CARD6: variants seen among roughly 807,000 people sequenced by gnomAD.
The protein encoded by CARD6 is caspase recruitment domain-containing protein 6.
CARD6 carries 27 observed loss-of-function variants against 23.6 expected under a neutral mutation model. The ratio of observed to expected loss-of-function variants is 1.14; its 90% CI spans 0.84 to 1.58. CARD6 has a LOEUF of 1.58. Among genes scored for constraint, CARD6 ranks in the 40% most tolerant of loss-of-function variants. CARD6 has a pLI of 0.00. For missense variants in CARD6, 1,214 were observed against 1,209.9 expected, an observed-to-expected ratio of 1.00 and a Z score of -0.05; for synonymous variants, 397 against 431.8, an observed-to-expected ratio of 0.92 and a Z score of 1.00.
At chr5:40,852,091 A>G in intron 2 of CARD6, 83 bp from the exon 3 acceptor site, 1 of 813,964 alleles carries the variant, frequency 1.2e-6, no homozygotes, top group Non-Finnish European at 2.0e-6. Context: ...TAGGTGATGG[A>G]GTGAGACTGT....
intron 2 of CARD6, among the ~76,000 whole-genome samples, chr5:40,844,896 G>T (rs559786576): frequency 7.0e-6 from 1 of 143,278 alleles, no homozygotes; most frequent in African/African-American, 2.6e-5. Flanking sequence ...TTGAAACAGA[G>T]TCTCACTCGT....
Position 40,853,624 on chromosome 5 carries a change from G to A in CARD6, c.2292G>A (p.Lys764=). ...CCTTTGGGTCAGAGCAGAGGCCTAA[G>A]TGGTTCCATCCTTTGCCTTTTCAGA... The part of the protein sequence containing the change: ...GRPFGSEQRP[K]WFHPLPFQNA... The change falls in exon 3 of 3, where the codon AAG becomes AAA. Residue 764 remains lysine (K), a synonymous_variant. Transcript: ENST00000254691. 5 of 1,614,248 alleles carry A rather than the reference G, an allele frequency of 3.1e-6. No homozygotes were observed. The highest frequency in any genetic ancestry group is 4.2e-6 in the Non-Finnish European group (5 of 1,180,042).
chr5:40,843,976 GT>G (rs1381688553), intron 2 of CARD6, among the ~76,000 whole-genome samples: 2 of 152,158 alleles, frequency 1.3e-5, no homozygotes, highest in Non-Finnish European at 2.9e-5. Context: ...CGTATAAGGA[GT>G]TGCCAATCAT....
At position 40,852,296 on chromosome 5, in the gene CARD6, C is replaced by T; in HGVS notation, c.964C>T (p.Pro322Ser). 6.2e-7 allele frequency: 1 copy of T among 1,614,062 alleles called. No homozygotes were observed. Among genetic ancestry groups the T allele is most frequent in the Non-Finnish European group, 8.5e-7 (1 of 1,179,970 alleles). ...DRGCKWTPES[P>S]GDLAWNFLMK... Reference sequence around the variant, plus strand: ...AGGATGTAAGTGGACCCCTGAGAGTCCAGGAGACTTAGCCTGGAATTTCCT... The same window carrying T: ...AGGATGTAAGTGGACCCCTGAGAGTTCAGGAGACTTAGCCTGGAATTTCCT... Residue 322 changes from proline to serine, a missense_variant, in exon 3 of 3, where the codon CCA becomes TCA. By Grantham distance (74) the Pro-to-Ser change is moderately conservative. Transcript: ENST00000254691.
chr5:40,853,217 C>T lies in CARD6; in HGVS notation c.1885C>T (p.Leu629Phe), dbSNP rs1579806863. The T allele has an allele frequency of 1.9e-6, 3 of 1,614,034 alleles. No individual in the cohort carries two copies. In the African/African-American group the frequency reaches 4.0e-5, roughly 22 times the overall value. ...GAACATGGAGGGCCTTCAAGCTGCC[C>T]TCCAGGAAGTGATGTTCTCTTCTTG... ...RKNMEGLQAA[L>F]QEVMFSSCLR... The change falls in exon 3 of 3, where the codon CTC becomes TTC. Residue 629 changes from leucine (L) to phenylalanine (F), a missense_variant. Physicochemically the swap from Leu to Phe is conservative, Grantham distance 22. Transcript: ENST00000254691.
In CARD6 at chr5:40,843,276, G is replaced by A. The variant is rs1296725184; in HGVS notation, c.408G>A (p.Glu136=). ...CTGAGATCACAGTGTTCTTCAGTGA[G>A]AAGGAACACTTGGATTTGGAAACCT... is the stretch of plus-strand genomic sequence containing the variant. ...EAPEITVFFS[E]KEHLDLETSE... is the part of the protein sequence containing the mutation. Residue 136 remains glutamate, a synonymous_variant, in exon 2 of 3, where the codon GAG becomes GAA. Coordinates refer to ENST00000254691, the MANE Select transcript of CARD6 (RefSeq NM_032587.4). 3 of 1,614,082 alleles carry A rather than the reference G, an allele frequency of 1.9e-6. No homozygotes were observed. The highest frequency in any genetic ancestry group is 2.5e-6 in the Non-Finnish European group (3 of 1,179,942).
intron 2 of CARD6, among the ~76,000 whole-genome samples, chr5:40,850,838 T>A (rs1291079807): frequency 6.6e-6 from 1 of 152,096 alleles, no homozygotes; most frequent in Non-Finnish European, 1.5e-5. Flanking sequence ...TTAGCACATT[T>A]TTTTAAATAA....
At position 40,843,559 on chromosome 5, in the gene CARD6, G is replaced by A. The variant is rs938983826; in HGVS notation, c.691G>A (p.Glu231Lys). The change falls in exon 2 of 3, where the codon GAG becomes AAG. Residue 231 changes from glutamate to lysine, a missense_variant. Glu to Lys is a moderately conservative substitution (Grantham distance 56, BLOSUM62 1). Transcript: ENST00000254691. ...AGATGCAGAAGCCACTGTGGAAGAG[G>A]AGGTTTATGATGACCCAGAGCACGT... is the stretch of plus-strand genomic sequence containing the variant. ...PEDAEATVEE[E>K]VYDDPEHVGY... 2 of 1,609,470 alleles carry A rather than the reference G, an allele frequency of 1.2e-6. No homozygotes were observed. Among genetic ancestry groups the A allele is most frequent in the African/African-American group, 1.3e-5 (1 of 74,648 alleles).
chr5:40,853,927 G>A lies in CARD6; in HGVS notation c.2595G>A (p.Lys865=), dbSNP rs1303590692. Residue 865 remains lysine (K), a synonymous_variant, in exon 3 of 3, where the codon AAG becomes AAA. Coordinates refer to ENST00000254691, the MANE Select transcript of CARD6 (RefSeq NM_032587.4). The part of the protein sequence containing the change: ...LDSQPARAVG[K]PWPQQACTRV... ...CACAGCCAGCAAGAGCAGTAGGGAA[G>A]CCATGGCCTCAGCAAGCTTGCACCA... 2.5e-6 allele frequency: 4 copies of A among 1,614,068 alleles called. No homozygotes were observed. The highest frequency in any genetic ancestry group is 3.4e-6 in the Non-Finnish European group (4 of 1,180,046).
At chr5:40,842,906 C>T (rs1013410498) in intron 1 of CARD6, among the ~76,000 whole-genome samples, 2 of 152,102 alleles carry the variant, frequency 1.3e-5, no homozygotes, top group African/African-American at 4.8e-5. Context: ...GGCATCATGG[C>T]GCATGCCTGT....
chr5:40,851,076 G>A (rs940242991), intron 2 of CARD6, among the ~76,000 whole-genome samples: 5 of 152,130 alleles, frequency 3.3e-5, no homozygotes, highest in East Asian at 1.9e-4. Flanking sequence ...GCTCATGCCT[G>A]TAATCCCTCA....
chr5:40,848,786 T>C (rs1405607571), intron 2 of CARD6, among the ~76,000 whole-genome samples: 5 of 152,138 alleles, frequency 3.3e-5, no homozygotes, highest in Non-Finnish European at 7.3e-5. Context: ...GAAATCTCTG[T>C]TTATTTCTTT....
At chr5:40,850,723 A>G (rs1338397774) in intron 2 of CARD6, among the ~76,000 whole-genome samples, 1 of 107,832 alleles carries the variant, frequency 9.3e-6, no homozygotes, top group Non-Finnish European at 2.2e-5. Context: ...TCCGTCTCCA[A>G]AAAAAAAAAA....
chr5:40,851,223 G>A (rs887057445), intron 2 of CARD6, among the ~76,000 whole-genome samples: 7 of 151,798 alleles, frequency 4.6e-5, no homozygotes, highest in Admixed American at 2.6e-4. Context: ...CCAGCTACTC[G>A]GGAGGCTGAG....
At position 40,852,582 on chromosome 5, in the gene CARD6, G is replaced by T; in HGVS notation, c.1250G>T (p.Ser417Ile). 1.2e-6 allele frequency: 2 copies of T among 1,614,150 alleles called. No individual in the cohort carries two copies. The highest frequency in any genetic ancestry group is 1.7e-6 in the Non-Finnish European group (2 of 1,180,026). The change falls in exon 3 of 3, where the codon AGC becomes ATC. Residue 417 changes from serine (S) to isoleucine (I), a missense_variant. Physicochemically the swap from Ser to Ile is moderately radical, Grantham distance 142. Coordinates refer to ENST00000254691, the MANE Select transcript of CARD6 (RefSeq NM_032587.4). ...LLLPDAENNK[S>I]ILMLGAMKDI... Reference sequence around the variant, plus strand: ...CTGCCAGATGCAGAAAACAACAAAAGCATCTTAATGCTGGGGGCCATGAAA... The same window carrying T: ...CTGCCAGATGCAGAAAACAACAAAATCATCTTAATGCTGGGGGCCATGAAA...
rs201397642 is a variant in CARD6 at position 40,853,595 on chromosome 5, C to T, written c.2263C>T (p.Arg755Cys). Residue 755 changes from arginine (R) to cysteine (C), a missense_variant, in exon 3 of 3, where the codon CGC becomes TGC. By Grantham distance (180) the Arg-to-Cys change is radical. Transcript: ENST00000254691. ...CTTGAAAGCCTCCTGGGTTATGGGC[C>T]GCCCCTTTGGGTCAGAGCAGAGGCC... ...VSLKASWVMG[R>C]PFGSEQRPKW... is the part of the protein sequence containing the mutation. The T allele has an allele frequency of 1.3e-5, 21 of 1,614,186 alleles. No individual in the cohort carries two copies. The highest frequency in any genetic ancestry group is 1.6e-4 in the Middle Eastern group (1 of 6,062).
Position 40,853,068 on chromosome 5 carries a change from G to A in CARD6, c.1736G>A (p.Cys579Tyr), listed in dbSNP as rs149257124. 2 of 1,614,008 alleles carry A rather than the reference G, an allele frequency of 1.2e-6. No homozygotes were observed. The highest frequency in any genetic ancestry group is 1.3e-5 in the African/African-American group (1 of 74,900). ...TTAGGAGAGGCTGCCATTGAAAGATGCTACTTTGTTCTCAGTTCCCAAGCC... is the reference window on the plus strand; with the variant it reads ...TTAGGAGAGGCTGCCATTGAAAGATACTACTTTGTTCTCAGTTCCCAAGCC... ...MFLGEAAIER[C>Y]YFVLSSQARE... Residue 579 changes from cysteine (C) to tyrosine (Y), a missense_variant, in exon 3 of 3, where the codon TGC (cysteine) becomes TAC (tyrosine). Cys to Tyr is a radical substitution (Grantham distance 194). Coordinates refer to ENST00000254691, the MANE Select transcript of CARD6 (RefSeq NM_032587.4).
rs1213627245 is a variant in CARD6 at position 40,854,595 on chromosome 5, T to C, written c.*149T>C. On this transcript the variant is annotated 3_prime_UTR_variant, in exon 3 of 3. Coordinates refer to ENST00000254691, the MANE Select transcript of CARD6 (RefSeq NM_032587.4). ...TATACATGACTGAATTGGATATCTT[T>C]GTTTGTTTGTTTGAGACAGAGTTTC... 2.9e-6 allele frequency: 2 copies of C among 679,986 alleles called. No homozygotes were observed. Among genetic ancestry groups the C allele is most frequent in the Non-Finnish European group, 4.9e-6 (2 of 408,674 alleles). 42.1% of individuals were successfully genotyped at this position (679,986 alleles called of 1,614,324 possible). A position where few individuals can be genotyped will look rare whatever the true frequency, so the allele number is the denominator to read the frequency against.
chr5:40,843,205 A>C lies in CARD6; in HGVS notation c.337A>C (p.Asn113His). Reference sequence around the variant, plus strand: ...TCCTCAATCTATGGGGGCAAGCAGTAATTCAGAAGATGCTTTTTCTCCTGG... The same window carrying C: ...TCCTCAATCTATGGGGGCAAGCAGTCATTCAGAAGATGCTTTTTCTCCTGG... The part of the protein sequence containing the change: ...VPPQSMGASS[N>H]SEDAFSPGIK... The change falls in exon 2 of 3, where the codon AAT becomes CAT. Residue 113 changes from asparagine (N) to histidine (H), a missense_variant. Coordinates refer to ENST00000254691, the MANE Select transcript of CARD6 (RefSeq NM_032587.4). 6.2e-7 allele frequency: 1 copy of C among 1,613,468 alleles called. No homozygotes were observed. Among genetic ancestry groups the C allele is most frequent in the Non-Finnish European group, 8.5e-7 (1 of 1,179,820 alleles).
Sources: gnomAD v4.1 joint callset for allele counts (sites outside exome capture counted in the v4.1 genomes callset) on GRCh38, gnomAD v4.1.1 for gene constraint, MANE v1.5 for transcripts, NCBI Gene and HGNC (gene_info 2026-07-23, HGNC 2026-07-21) for gene names.